NCAM2: variants seen among roughly 807,000 people sequenced by gnomAD.
NCAM2 encodes the protein neural cell adhesion molecule 2.
NCAM2 carries 30 observed loss-of-function variants against 98.1 expected under a neutral mutation model. That is an observed-to-expected ratio of 0.31 (90% CI 0.23 to 0.41). The LOEUF is 0.41. Among genes scored for constraint, NCAM2 ranks in the 10% least tolerant of loss-of-function variants. NCAM2 has a pLI of 1.00. For missense variants in NCAM2, 867 were observed against 1,005.8 expected, an observed-to-expected ratio of 0.86 and a Z score of 1.87; for synonymous variants, 368 against 342.4, an observed-to-expected ratio of 1.07 and a Z score of -0.83.
intron 14 of NCAM2, among the ~76,000 whole-genome samples, chr21:21,473,635 C>A (rs1984770049): frequency 6.6e-6 from 1 of 151,672 alleles, no homozygotes; most frequent in Admixed American, 6.6e-5. Flanking sequence ...CTATTGTCCT[C>A]TCATTTTATA....
At chr21:21,011,599 T>A (rs933683261) in intron 1 of NCAM2, among the ~76,000 whole-genome samples, 3 of 152,056 alleles carry the variant, frequency 2.0e-5, no homozygotes, top group Admixed American at 1.3e-4. Context: ...TAAGATCTAG[T>A]CTCTTAGCAA....
rs953516743 is a variant in NCAM2 at position 21,539,477 on chromosome 21, C to G, written c.*1520C>G. 1 of 152,088 alleles carries G rather than the reference C, an allele frequency of 6.6e-6. No individual in the cohort carries two copies. Among genetic ancestry groups the G allele is most frequent in the Admixed American group, 6.6e-5 (1 of 15,242 alleles). The allele number at this position is 152,088 out of a possible 1,614,324, so 9.4% of individuals were successfully genotyped here. ...TTGCAGAAACCTGCTCTGGGTGTGT[C>G]TCTCTGTAGAGATAACCTGATGATT... On this transcript the variant is annotated 3_prime_UTR_variant, in exon 18 of 18. Coordinates refer to ENST00000400546, the MANE Select transcript of NCAM2 (RefSeq NM_004540.5).
intron 1 of NCAM2, among the ~76,000 whole-genome samples, chr21:21,213,606 A>T (rs2069748267): frequency 6.6e-6 from 1 of 152,140 alleles, no homozygotes; most frequent in Non-Finnish European, 1.5e-5. Flanking sequence ...TTTACACCTA[A>T]AAGGAATACT....
chr21:21,383,020 A>G (rs995097887), intron 9 of NCAM2, among the ~76,000 whole-genome samples: 8 of 152,120 alleles, frequency 5.3e-5, no homozygotes, highest in Non-Finnish European at 2.9e-5. Flanking sequence ...CTACTATCTG[A>G]TAAATTTAAC....
At chr21:21,273,439 A>G (rs2072606533) in intron 1 of NCAM2, among the ~76,000 whole-genome samples, 1 of 152,190 alleles carries the variant, frequency 6.6e-6, no homozygotes, top group African/African-American at 2.4e-5. Flanking sequence ...CTAATATAAG[A>G]ATAGTCAGGA....
chr21:21,265,015 T>TTA (rs375513006), intron 1 of NCAM2, among the ~76,000 whole-genome samples: 1 of 19,666 alleles, frequency 5.1e-5, no homozygotes, highest in African/African-American at 1.3e-4. Flanking sequence ...CACATATATA[T>TTA]TATATATGTG....
intron 1 of NCAM2, among the ~76,000 whole-genome samples, chr21:21,055,009 AC>A (rs2065184844): frequency 6.6e-6 from 1 of 152,036 alleles, no homozygotes; most frequent in African/African-American, 2.4e-5. Context: ...TATCTCACAA[AC>A]ACCCTTAAGG....
chr21:21,389,907 T>C (rs901385843), intron 9 of NCAM2, among the ~76,000 whole-genome samples: 1 of 152,216 alleles, frequency 6.6e-6, no homozygotes, highest in Non-Finnish European at 1.5e-5. Flanking sequence ...TATAGTGCAG[T>C]GGCACGATCT....
chr21:21,304,071 A>G (rs564386143), intron 5 of NCAM2, among the ~76,000 whole-genome samples: 5 of 152,026 alleles, frequency 3.3e-5, no homozygotes, highest in African/African-American at 4.8e-5. Context: ...TTGTTTTTCT[A>G]TTTTTTAACC....
At chr21:21,136,321 A>G (rs1481728135) in intron 1 of NCAM2, among the ~76,000 whole-genome samples, 2 of 152,268 alleles carry the variant, frequency 1.3e-5, no homozygotes, top group Non-Finnish European at 2.9e-5. Flanking sequence ...TCAGCCATGT[A>G]TCCAGAAGGG....
chr21:21,142,555 A>C (rs2067193017), intron 1 of NCAM2, among the ~76,000 whole-genome samples: 1 of 149,388 alleles, frequency 6.7e-6, no homozygotes, highest in African/African-American at 2.5e-5. Flanking sequence ...ATTTTTTTGT[A>C]TTTTTGAAAG....
chr21:21,391,805 G>C, intron 9 of NCAM2, among the ~76,000 whole-genome samples: 1 of 33,732 alleles, frequency 3.0e-5, no homozygotes. Context: ...AACATTGCTG[G>C]TTAGGTACAA....
chr21:21,171,418 T>G (rs949689868), intron 1 of NCAM2, among the ~76,000 whole-genome samples: 1 of 152,188 alleles, frequency 6.6e-6, no homozygotes, highest in Non-Finnish European at 1.5e-5. Context: ...AGGGTATATT[T>G]TGTCTTGGTC....
At chr21:21,536,084 G>A (rs1003609688) in intron 17 of NCAM2, among the ~76,000 whole-genome samples, 7 of 151,950 alleles carry the variant, frequency 4.6e-5, no homozygotes, top group African/African-American at 1.7e-4. Context: ...AATATTTTCA[G>A]TACTTGTGAA....
intron 1 of NCAM2, chr21:21,146,986 G>T (rs973281750): frequency 1.6e-4 from 103 of 648,242 alleles, no homozygotes; most frequent in South Asian, 8.4e-4. Context: ...TCAGACCGCT[G>T]CCTTCTACTC....
intron 1 of NCAM2, among the ~76,000 whole-genome samples, chr21:21,230,578 T>C (rs2070582015): frequency 6.6e-6 from 1 of 151,312 alleles, no homozygotes. Context: ...TCTTTCCCAC[T>C]CTCATCTCAT....
intron 15 of NCAM2, among the ~76,000 whole-genome samples, chr21:21,488,861 AC>A (rs1444855638): frequency 1.3e-5 from 2 of 152,080 alleles, no homozygotes; most frequent in Non-Finnish European, 2.9e-5. Flanking sequence ...TATTGATCAT[AC>A]CTAAATATGT....
intron 12 of NCAM2, among the ~76,000 whole-genome samples, chr21:21,460,587 G>A (rs1197722758): frequency 6.6e-6 from 1 of 151,940 alleles, no homozygotes; most frequent in East Asian, 1.9e-4. Flanking sequence ...CATTGGGTCA[G>A]TTTTCTTTAA....
intron 1 of NCAM2, among the ~76,000 whole-genome samples, chr21:21,133,629 C>T (rs2066981464): frequency 6.6e-6 from 1 of 152,200 alleles, no homozygotes; most frequent in South Asian, 2.1e-4. Flanking sequence ...AAGGCACTCA[C>T]CCTCCATGAT....
Sources: allele counts gnomAD v4.1 joint callset (sites outside exome capture counted in the v4.1 genomes callset), GRCh38; gene constraint gnomAD v4.1.1; transcripts MANE v1.5; gene names NCBI Gene and HGNC (gene_info 2026-07-23, HGNC 2026-07-21).